The following SDK1 variants were observed in gnomAD, a reference collection of about 807,000 sequenced individuals.
SDK1 encodes protein sidekick-1.
Under a neutral mutation model 245.5 loss-of-function variants are expected in SDK1, and 157 were observed. That is an observed-to-expected ratio of 0.64 (90% CI 0.56 to 0.73). SDK1 has a LOEUF of 0.73. Ranked by LOEUF, SDK1 falls within the 30% of genes least tolerant of loss-of-function variation. The pLI, the probability that SDK1 is intolerant of heterozygous loss-of-function variation, is 0.00. For missense variants in SDK1, 3,583 were observed against 3,002.3 expected, an observed-to-expected ratio of 1.19 and a Z score of -4.52; for synonymous variants, 1,647 against 1,278.5, an observed-to-expected ratio of 1.29 and a Z score of -6.15.
chr7:4,095,345 CT>C (rs1393075688), intron 22 of SDK1, among the ~76,000 whole-genome samples: 2 of 151,978 alleles, frequency 1.3e-5, no homozygotes, highest in Non-Finnish European at 2.9e-5. Flanking sequence ...TCTTCCTCAG[CT>C]CCCCCACACC....
intron 38 of SDK1, among the ~76,000 whole-genome samples, chr7:4,213,687 C>G (rs960139435): frequency 2.0e-5 from 3 of 152,142 alleles, no homozygotes; most frequent in Non-Finnish European, 4.4e-5. Context: ...GTCCTCTTCT[C>G]TCTGCAGTTT....
At chr7:3,331,972 A>G (rs1194902758) in intron 1 of SDK1, among the ~76,000 whole-genome samples, 10 of 152,324 alleles carry the variant, frequency 6.6e-5, no homozygotes, top group Non-Finnish European at 4.4e-5. Flanking sequence ...CTAAAAATCA[A>G]CTACTTCAAT....
intron 1 of SDK1, among the ~76,000 whole-genome samples, chr7:3,341,235 C>T (rs1011663632): frequency 2.6e-5 from 4 of 152,164 alleles, no homozygotes; most frequent in African/African-American, 2.4e-5. Flanking sequence ...ATGCCACCCA[C>T]CATATCAACA....
chr7:3,987,763 C>A (rs766088804), intron 14 of SDK1, among the ~76,000 whole-genome samples: 1 of 152,156 alleles, frequency 6.6e-6, no homozygotes, highest in African/African-American at 2.4e-5. Flanking sequence ...TTCCAGGACC[C>A]CTCTGCCCAT....
At chr7:3,997,758 G>C (rs1197295103) in intron 14 of SDK1, among the ~76,000 whole-genome samples, 1 of 152,164 alleles carries the variant, frequency 6.6e-6, no homozygotes, top group Non-Finnish European at 1.5e-5. Context: ...GGGACTGGCA[G>C]CCCTGCCCCC....
chr7:3,741,605 G>C (rs7786266), intron 4 of SDK1, among the ~76,000 whole-genome samples: 1 of 152,130 alleles, frequency 6.6e-6, no homozygotes, highest in Non-Finnish European at 1.5e-5. Context: ...TTTGAACTCA[G>C]CATGCAGATT....
At chr7:4,093,257 T>C (rs1781919691) in intron 22 of SDK1, among the ~76,000 whole-genome samples, 1 of 152,082 alleles carries the variant, frequency 6.6e-6, no homozygotes, top group African/African-American at 2.4e-5. Flanking sequence ...AAATGTTATA[T>C]GTTTTCATTT....
chr7:3,674,292 G>T (rs999834826), intron 4 of SDK1, among the ~76,000 whole-genome samples: 1 of 152,116 alleles, frequency 6.6e-6, no homozygotes, highest in Non-Finnish European at 1.5e-5. Flanking sequence ...GAGGCGGGTG[G>T]AGTGTAGTGA....
chr7:3,458,022 T>G (rs1780722672), intron 1 of SDK1, among the ~76,000 whole-genome samples: 1 of 152,240 alleles, frequency 6.6e-6, no homozygotes, highest in Non-Finnish European at 1.5e-5. Flanking sequence ...CCCTTTGCCT[T>G]ATAGCCTCCA....
intron 38 of SDK1, among the ~76,000 whole-genome samples, chr7:4,215,152 C>T (rs368585148): frequency 2.0e-5 from 3 of 152,232 alleles, no homozygotes; most frequent in Non-Finnish European, 2.9e-5. Context: ...AGCCACATCC[C>T]GTACCCACAT....
At chr7:3,564,562 A>T (rs1483810351) in intron 1 of SDK1, among the ~76,000 whole-genome samples, 1 of 152,196 alleles carries the variant, frequency 6.6e-6, no homozygotes, top group Non-Finnish European at 1.5e-5. Flanking sequence ...AAATTTTCAA[A>T]TGATTTTATT....
chr7:4,023,427 C>A (rs1402677516), intron 17 of SDK1, among the ~76,000 whole-genome samples: 3 of 152,204 alleles, frequency 2.0e-5, no homozygotes, highest in Non-Finnish European at 4.4e-5. Flanking sequence ...GGTGCTCTCA[C>A]AGAAGCTGTG....
chr7:3,696,032 A>G (rs1784563265), intron 4 of SDK1, among the ~76,000 whole-genome samples: 1 of 151,820 alleles, frequency 6.6e-6, no homozygotes, highest in Non-Finnish European at 1.5e-5. Context: ...CGTTCCTCTC[A>G]GCCTCTTCTC....
rs541723144 is a variant in SDK1, at chr7:3,927,569, C to T, written c.848-23354C>T. Reference sequence around the variant, plus strand: ...ACAGTCAGAGGCCTCAAAGCCTGCGCTTCTCCCGTGACACTGTCATTTCAG... The same window carrying T: ...ACAGTCAGAGGCCTCAAAGCCTGCGTTTCTCCCGTGACACTGTCATTTCAG... On this transcript the variant is annotated intron_variant, in intron 5 of 44. Coordinates refer to ENST00000404826, the MANE Select transcript of SDK1 (RefSeq NM_152744.4). Among the ~76,000 whole-genome samples, 3 of 152,294 alleles carry T rather than the reference C, an allele frequency of 2.0e-5. No homozygotes were observed. In the South Asian group the frequency reaches 6.2e-4, roughly 32 times the overall value.
At chr7:3,349,692 C>T (rs1019618744) in intron 1 of SDK1, among the ~76,000 whole-genome samples, 4 of 152,132 alleles carry the variant, frequency 2.6e-5, no homozygotes, top group South Asian at 2.1e-4. Flanking sequence ...CTCCACCTCC[C>T]GGGTTCACGC....
chr7:4,071,356 G>T (rs575946645), intron 20 of SDK1, among the ~76,000 whole-genome samples: 1 of 152,314 alleles, frequency 6.6e-6, no homozygotes, highest in East Asian at 1.9e-4. Flanking sequence ...GTAAATTAAT[G>T]AATCTGGCTC....
chr7:3,713,106 A>G (rs1029086588), intron 4 of SDK1, among the ~76,000 whole-genome samples: 2 of 152,252 alleles, frequency 1.3e-5, no homozygotes, highest in Non-Finnish European at 2.9e-5. Flanking sequence ...GATCTTGCAC[A>G]GCGGGGAGCA....
At chr7:3,614,601 T>A (rs79005016) in intron 1 of SDK1, among the ~76,000 whole-genome samples, 3,538 of 152,324 alleles carry the variant, frequency 0.023, 146 homozygotes, top group African/African-American at 0.08. Flanking sequence ...GATCCTTCTT[T>A]CTCCCTTTCT....
intron 4 of SDK1, among the ~76,000 whole-genome samples, chr7:3,784,555 G>GGA (rs1260166341): frequency 7.9e-5 from 12 of 152,074 alleles, no homozygotes; most frequent in Admixed American, 7.2e-4. Flanking sequence ...ACAAGGGACT[G>GGA]GAATAGACAT....
Sources: gnomAD v4.1 joint callset for allele counts (sites outside exome capture counted in the v4.1 genomes callset) on GRCh38, gnomAD v4.1.1 for gene constraint, MANE v1.5 for transcripts, NCBI Gene and HGNC (gene_info 2026-07-23, HGNC 2026-07-21) for gene names.